The following TMC1 variants were observed in gnomAD, a reference collection of about 807,000 sequenced individuals.
TMC1 encodes transmembrane channel like 1.
Under a neutral mutation model 105.8 loss-of-function variants are expected in TMC1, and 84 were observed. That is an observed-to-expected ratio of 0.79 (90% confidence interval 0.67 to 0.95). The LOEUF (loss-of-function observed/expected upper bound fraction) is 0.95, where lower values mean the gene tolerates loss of function less well. TMC1 is among the 40% of genes least tolerant of loss of function. The pLI, the probability that TMC1 is intolerant of heterozygous loss-of-function variation, is 0.00. For missense variants in TMC1, 817 were observed against 914.1 expected (o/e 0.89, Z 1.37); for synonymous variants, 315 against 311.5 (o/e 1.01, Z -0.12).
At chr9:72,746,673 T>G (rs1650019100) in intron 10 of TMC1, among the ~76,000 whole-genome samples, 1 of 152,226 alleles carries the variant, frequency 6.6e-6, no homozygotes, top group African/African-American at 2.4e-5. Context: ...AATTAGAGTC[T>G]AAAATTCATA....
chr9:72,598,439 G>GTT (rs935162720), intron 2 of TMC1, among the ~76,000 whole-genome samples: 2 of 147,020 alleles, frequency 1.4e-5, no homozygotes. Flanking sequence ...TTCAAAGTAA[G>GTT]TTTTTTTTTT....
At position 72,820,914 on chromosome 9, in the gene TMC1, G is replaced by A; in HGVS notation, c.1836G>A (p.Gln612=). 4 of 1,614,126 alleles carry A rather than the reference G, an allele frequency of 2.5e-6. No individual in the cohort carries two copies. The highest frequency in any genetic ancestry group is 3.4e-6 in the Non-Finnish European group (4 of 1,180,026). Residue 612 remains glutamine, a synonymous_variant, in exon 20 of 24, where the codon CAG becomes CAA. Transcript: ENST00000297784. ...GACTCCATACATCCATGTACTTCCAGTGCTGGGCCGTTATGTGCTGCAATG... is the reference window on the plus strand; with the variant it reads ...GACTCCATACATCCATGTACTTCCAATGCTGGGCCGTTATGTGCTGCAATG... The part of the protein sequence containing the change: ...ILRLHTSMYF[Q]CWAVMCCNVP...
intron 1 of TMC1, among the ~76,000 whole-genome samples, chr9:72,551,751 A>G (rs1304435368): frequency 6.6e-6 from 1 of 152,210 alleles, no homozygotes; most frequent in African/African-American, 2.4e-5. Flanking sequence ...ATGTAATCAA[A>G]TTAAAATGAG....
At chr9:72,610,447 G>C (rs1484742895) in intron 2 of TMC1, among the ~76,000 whole-genome samples, 3 of 152,160 alleles carry the variant, frequency 2.0e-5, no homozygotes, top group Admixed American at 1.3e-4. Flanking sequence ...TGTAGTTCTA[G>C]TGTGAAAACC....
At chr9:72,833,541 A>T (rs886468072) in intron 23 of TMC1, among the ~76,000 whole-genome samples, 5 of 152,050 alleles carry the variant, frequency 3.3e-5, no homozygotes, top group Admixed American at 6.5e-5. Context: ...TGTTTTGGAT[A>T]CTGTGTTTTC....
intron 8 of TMC1, among the ~76,000 whole-genome samples, chr9:72,704,034 C>T (rs1826689186): frequency 6.6e-6 from 1 of 152,188 alleles, no homozygotes; most frequent in African/African-American, 2.4e-5. Context: ...AACAAGTGGT[C>T]AGTACTTCAC....
At position 72,700,531 on chromosome 9, in the gene TMC1, A is replaced by G; in HGVS notation, c.250A>G (p.Ile84Val). 1 of 1,596,120 alleles carries G rather than the reference A, an allele frequency of 6.3e-7. No individual in the cohort carries two copies. The highest frequency in any genetic ancestry group is 1.3e-5 in the African/African-American group (1 of 74,324). The change falls in exon 8 of 24, where the codon ATT becomes GTT. Residue 84 changes from isoleucine (I) to valine (V), a missense_variant. Coordinates refer to ENST00000297784, the MANE Select transcript of TMC1 (RefSeq NM_138691.3). ...TTACTTTTAAAGAGAAGAAGAAGAA[A>G]TTGATGAAGAGGAATTGGAAAGATT... Reference protein sequence around the residue: ...RLKRGAEEEEIDEEELERLKA... With the variant: ...RLKRGAEEEEVDEEELERLKA...
intron 5 of TMC1, among the ~76,000 whole-genome samples, chr9:72,650,903 A>ATATATATATAT (rs1825801321): frequency 7.9e-6 from 1 of 126,746 alleles, no homozygotes; most frequent in African/African-American, 3.1e-5. Context: ...TATATATATA[A>ATATATATATAT]ATATATATAG....
At chr9:72,771,757 T>C (rs989632053) in intron 12 of TMC1, among the ~76,000 whole-genome samples, 2 of 152,198 alleles carry the variant, frequency 1.3e-5, no homozygotes, top group Admixed American at 6.5e-5. Flanking sequence ...GTTCTGAGAA[T>C]AAAGAGGGAG....
intron 5 of TMC1, chr9:72,651,612 A>G (rs1310332431): frequency 1.3e-5 from 2 of 152,212 alleles, no homozygotes; most frequent in Non-Finnish European, 1.5e-5. Flanking sequence ...ACAAAAAGAA[A>G]AAAAAACTCT....
At chr9:72,668,465 G>A (rs1826077844) in intron 5 of TMC1, among the ~76,000 whole-genome samples, 2 of 152,188 alleles carry the variant, frequency 1.3e-5, no homozygotes, top group African/African-American at 4.8e-5. Context: ...ATTATCTGGA[G>A]CTCTTTCTGC....
chr9:72,653,311 T>C (rs192901850), intron 5 of TMC1, among the ~76,000 whole-genome samples: 3 of 152,286 alleles, frequency 2.0e-5, no homozygotes, highest in Admixed American at 2.0e-4. Flanking sequence ...CTATGAAAAT[T>C]AGGAACATTG....
At chr9:72,704,052 G>T (rs1376165017) in intron 8 of TMC1, among the ~76,000 whole-genome samples, 1 of 152,182 alleles carries the variant, frequency 6.6e-6, no homozygotes, top group East Asian at 1.9e-4. Flanking sequence ...CACAGAACGT[G>T]CAGGTAAATG....
intron 1 of TMC1, among the ~76,000 whole-genome samples, chr9:72,562,334 A>G (rs1433782535): frequency 6.6e-6 from 1 of 152,200 alleles, no homozygotes; most frequent in East Asian, 1.9e-4. Flanking sequence ...GCTCAGTTAT[A>G]TGATCTGTTC....
At chr9:72,668,332 G>A (rs371087386) in intron 5 of TMC1, among the ~76,000 whole-genome samples, 10 of 152,186 alleles carry the variant, frequency 6.6e-5, no homozygotes, top group Admixed American at 5.2e-4. Context: ...GGTTTTGAAC[G>A]CAGGTCTGTC....
At chr9:72,791,690 G>A (rs937430049) in intron 15 of TMC1, among the ~76,000 whole-genome samples, 196 bp from the exon 16 acceptor site, 4 of 152,290 alleles carry the variant, frequency 2.6e-5, no homozygotes, top group South Asian at 2.1e-4. Context: ...TCAGTCACAT[G>A]CCTCTCTTGA....
At chr9:72,729,684 T>C (rs1264557676) in intron 8 of TMC1, among the ~76,000 whole-genome samples, 1 of 152,178 alleles carries the variant, frequency 6.6e-6, no homozygotes, top group Admixed American at 6.5e-5. Context: ...TTTGTTTAGT[T>C]CTGCAGGGGC....
intron 1 of TMC1, among the ~76,000 whole-genome samples, chr9:72,559,714 G>A (rs1824012336): frequency 6.6e-6 from 1 of 151,888 alleles, no homozygotes; most frequent in Admixed American, 6.6e-5. Flanking sequence ...TATCATGGTG[G>A]TCACAAAAAA....
At chr9:72,709,014 G>A (rs1054171260) in intron 8 of TMC1, among the ~76,000 whole-genome samples, 1 of 151,492 alleles carries the variant, frequency 6.6e-6, no homozygotes, top group Non-Finnish European at 1.5e-5. Flanking sequence ...TTTTTTCGGG[G>A]GGGTGGGTGT....
Sources: gnomAD v4.1 joint callset for allele counts (sites outside exome capture counted in the v4.1 genomes callset) on GRCh38, gnomAD v4.1.1 for gene constraint, MANE v1.5 for transcripts, NCBI Gene and HGNC (gene_info 2026-07-23, HGNC 2026-07-21) for gene names.